NALF1: variants seen among roughly 807,000 people sequenced by gnomAD.
NALF1 encodes family with sequence similarity 155 member A.
A neutral mutation model predicts 48.4 loss-of-function variants in NALF1; 3 were observed. The ratio of observed to expected loss-of-function variants is 0.06; its 90% CI spans 0.03 to 0.16. The LOEUF (loss-of-function observed/expected upper bound fraction) is 0.16. NALF1 is among the 10% of genes least tolerant of loss of function. The pLI is 1.00. For synonymous variants in NALF1, 262 were observed against 245.7 expected (o/e 1.07, Z -0.62); for missense variants, 526 against 571.5 (o/e 0.92, Z 0.81).
intron 1 of NALF1, among the ~76,000 whole-genome samples, chr13:107,469,826 C>A (rs1252920625): frequency 7.0e-6 from 1 of 142,402 alleles, no homozygotes; most frequent in Non-Finnish European, 1.5e-5. Flanking sequence ...TCACTGCAAG[C>A]TCCACCTCCC....
At chr13:107,490,512 G>A (rs945831477) in intron 1 of NALF1, among the ~76,000 whole-genome samples, 1 of 152,122 alleles carries the variant, frequency 6.6e-6, no homozygotes. Flanking sequence ...ACTCAATGAT[G>A]AGACTAGATG....
chr13:107,672,959 T>C (rs1881025336), intron 1 of NALF1, among the ~76,000 whole-genome samples: 1 of 152,176 alleles, frequency 6.6e-6, no homozygotes, highest in South Asian at 2.1e-4. Context: ...CTCCCTTTGT[T>C]CCTTCACATG....
chr13:107,592,373 G>C (rs1355618475), intron 1 of NALF1, among the ~76,000 whole-genome samples: 2 of 151,802 alleles, frequency 1.3e-5, no homozygotes, highest in African/African-American at 4.8e-5. Flanking sequence ...ATTCTAGCAA[G>C]AGGAAGAATT....
intron 1 of NALF1, among the ~76,000 whole-genome samples, chr13:107,307,293 A>G (rs1376353127): frequency 6.6e-6 from 1 of 152,138 alleles, no homozygotes; most frequent in Non-Finnish European, 1.5e-5. Context: ...AAGAACCAAG[A>G]TGTCTATTAC....
chr13:107,522,310 C>T (rs769647713), intron 1 of NALF1, among the ~76,000 whole-genome samples: 1 of 152,106 alleles, frequency 6.6e-6, no homozygotes, highest in East Asian at 1.9e-4. Context: ...TTCTTGGACC[C>T]TTTCTCAATC....
At chr13:107,217,910 G>C (rs1291011303) in intron 1 of NALF1, among the ~76,000 whole-genome samples, 2 of 138,146 alleles carry the variant, frequency 1.4e-5, no homozygotes, top group African/African-American at 5.5e-5. Context: ...AAATTAATTT[G>C]ATTATTCCAG....
chr13:107,678,570 A>G (rs370263866), intron 1 of NALF1, among the ~76,000 whole-genome samples: 79 of 152,284 alleles, frequency 5.2e-4, no homozygotes, highest in Middle Eastern at 3.4e-3. Flanking sequence ...GTTTTGTATT[A>G]GTTCACTTTC....
intron 1 of NALF1, among the ~76,000 whole-genome samples, chr13:107,348,182 CTGGT>C (rs1172560599): frequency 6.6e-6 from 1 of 152,104 alleles, no homozygotes; most frequent in East Asian, 1.9e-4. Context: ...AAAAGAGCTT[CTGGT>C]TGATTGAGCA....
chr13:107,253,126 T>G (rs755739052), intron 1 of NALF1, among the ~76,000 whole-genome samples: 4 of 151,928 alleles, frequency 2.6e-5, no homozygotes, highest in Non-Finnish European at 2.9e-5. Flanking sequence ...AAAAGCAAAT[T>G]TGAATCAATT....
intron 1 of NALF1, among the ~76,000 whole-genome samples, chr13:107,367,332 C>G (rs558192032): frequency 6.6e-6 from 1 of 152,116 alleles, no homozygotes; most frequent in Admixed American, 6.5e-5. Flanking sequence ...GCACCACCAG[C>G]GGGCAATTAC....
intron 1 of NALF1, among the ~76,000 whole-genome samples, chr13:107,722,482 T>C (rs1446000313): frequency 6.6e-6 from 1 of 152,168 alleles, no homozygotes; most frequent in Non-Finnish European, 1.5e-5. Context: ...GGCCACCTTG[T>C]CTTGGGTGTT....
chr13:107,598,357 G>A (rs1439574245), intron 1 of NALF1, among the ~76,000 whole-genome samples: 1 of 152,096 alleles, frequency 6.6e-6, no homozygotes, highest in Admixed American at 6.6e-5. Context: ...GAACTGAAAT[G>A]CCTATGCTCA....
At chr13:107,312,954 A>T (rs1882076112) in intron 1 of NALF1, among the ~76,000 whole-genome samples, 1 of 152,218 alleles carries the variant, frequency 6.6e-6, no homozygotes, top group African/African-American at 2.4e-5. Context: ...GACGGAAAGC[A>T]AAACAAACCA....
At chr13:107,395,226 T>C (rs1455556318) in intron 1 of NALF1, among the ~76,000 whole-genome samples, 2 of 152,164 alleles carry the variant, frequency 1.3e-5, no homozygotes, top group Admixed American at 6.5e-5. Context: ...AACAAGATCA[T>C]CTTATTGATC....
intron 2 of NALF1, among the ~76,000 whole-genome samples, chr13:107,200,393 A>T (rs1334309962): frequency 1.3e-5 from 2 of 152,126 alleles, no homozygotes; most frequent in Non-Finnish European, 2.9e-5. Context: ...AACAGGTCAA[A>T]TCAAGCCAGG....
At chr13:107,856,667 TA>T (rs1474957099) in intron 1 of NALF1, among the ~76,000 whole-genome samples, 1 of 152,134 alleles carries the variant, frequency 6.6e-6, no homozygotes, top group Non-Finnish European at 1.5e-5. Context: ...AAAAAATAGT[TA>T]TTTTTTTATG....
At chr13:107,342,003 G>A (rs902499436) in intron 1 of NALF1, among the ~76,000 whole-genome samples, 1 of 151,950 alleles carries the variant, frequency 6.6e-6, no homozygotes, top group East Asian at 1.9e-4. Context: ...TCAATATGTA[G>A]CTAAGGATAT....
intron 1 of NALF1, among the ~76,000 whole-genome samples, chr13:107,508,861 CAAAAGCTGG>C (rs1008349287): frequency 6.6e-6 from 1 of 151,612 alleles, no homozygotes; most frequent in Non-Finnish European, 1.5e-5. Context: ...ACAAAAACAA[CAAAAGCTGG>C]AAAATACTAC....
intron 1 of NALF1, among the ~76,000 whole-genome samples, chr13:107,478,082 A>G (rs1885200774): frequency 6.6e-6 from 1 of 152,114 alleles, no homozygotes; most frequent in Admixed American, 6.6e-5. Flanking sequence ...GTCTTAGCAG[A>G]GTTAAGCTCC....
Sources: gnomAD v4.1 joint callset for allele counts (sites outside exome capture counted in the v4.1 genomes callset) on GRCh38, gnomAD v4.1.1 for gene constraint, MANE v1.5 for transcripts, NCBI Gene and HGNC (gene_info 2026-07-23, HGNC 2026-07-21) for gene names.